Variants in PHTF1 observed in about 807,000 individuals in gnomAD.
PHTF1 encodes protein PHTF1.
In PHTF1, 88 loss-of-function variants were observed where a neutral mutation model predicts 102.4. That is an observed-to-expected ratio of 0.86 (90% CI 0.72 to 1.03). PHTF1 has a LOEUF of 1.03. Among genes scored for constraint, PHTF1 ranks in the 50% least tolerant of loss-of-function variants. PHTF1 has a pLI of 0.00. For missense variants in PHTF1, 814 were observed against 909.5 expected (o/e 0.89, Z 1.35); for synonymous variants, 289 against 305.2 (o/e 0.95, Z 0.55).
At chr1:113,745,658 G>T (rs4565712) in intron 3 of PHTF1, among the ~76,000 whole-genome samples, 113,362 of 151,920 alleles carry the variant, frequency 0.75, 42,904 homozygotes, top group African/African-American at 0.83. Context: ...CCTGTCAGAT[G>T]AGTGGCGGCA....
intron 13 of PHTF1, 51 bp downstream of exon 13, chr1:113,705,839 G>T: frequency 7.1e-7 from 1 of 1,418,076 alleles, no homozygotes; most frequent in South Asian, 1.3e-5. Flanking sequence ...CAACTCAATG[G>T]AATATCATAT....
chr1:113,759,041 C>G lies in PHTF1; in HGVS notation c.-49G>C. On this transcript the variant is annotated 5_prime_UTR_variant, in exon 1 of 19. Transcript: ENST00000369604. ...CTCTCACCTAGTGCCCGTTGCCCCG[C>G]GGGCCGGCGCCCGGGACCTCCGTCC... 1 of 1,016,210 alleles carries G rather than the reference C, an allele frequency of 9.8e-7. No individual in the cohort carries two copies. Among genetic ancestry groups the G allele is most frequent in the East Asian group, 9.4e-5 (1 of 10,652 alleles). The allele number at this position is 1,016,210 out of a possible 1,614,324, so 62.9% of individuals were successfully genotyped here.
At chr1:113,715,697 TCAAA>T (rs928085674) in intron 7 of PHTF1, among the ~76,000 whole-genome samples, 9 of 80,440 alleles carry the variant, frequency 1.1e-4, no homozygotes, top group Non-Finnish European at 2.3e-4. Flanking sequence ...TTGAGGAAAC[TCAAA>T]CAAATTCAAG....
In PHTF1 at chr1:113,700,845, C is replaced by T. The variant is rs762937194; in HGVS notation, c.1995G>A (p.Gly665=). ...TGCTGTATTTCTTATTGGTTTCAGACCCCAGTGAGGCCAGACGCAATAAAA... is the reference window on the plus strand; with the variant it reads ...TGCTGTATTTCTTATTGGTTTCAGATCCCAGTGAGGCCAGACGCAATAAAA... ...LLFLLRLASL[G]SETNKKYSNV... Residue 665 remains glycine (G), a synonymous_variant, in exon 16 of 19, where the codon GGG becomes GGA. Coordinates refer to ENST00000369604, the MANE Select transcript of PHTF1 (RefSeq NM_001323043.2). The T allele has an allele frequency of 3.1e-6, 5 of 1,613,622 alleles. No individual in the cohort carries two copies. In the Middle Eastern group the frequency reaches 5.0e-4, roughly 160 times the overall value.
intron 5 of PHTF1, among the ~76,000 whole-genome samples, chr1:113,727,356 G>GT (rs1008479902): frequency 1.3e-5 from 2 of 152,102 alleles, no homozygotes; most frequent in Admixed American, 6.6e-5. Flanking sequence ...AAGACAAGGA[G>GT]TTTTGTCTGA....
intron 5 of PHTF1, among the ~76,000 whole-genome samples, chr1:113,734,472 T>TA: frequency 6.6e-6 from 1 of 152,318 alleles, no homozygotes; most frequent in African/African-American, 2.4e-5. Context: ...TACAGAGTGG[T>TA]AAAGAACTTG....
intron 7 of PHTF1, among the ~76,000 whole-genome samples, chr1:113,722,220 G>A (rs1052520154): frequency 3.3e-5 from 5 of 151,946 alleles, no homozygotes; most frequent in African/African-American, 1.2e-4. Flanking sequence ...GGGAAACCAA[G>A]ACGGGCGGAT....
At chr1:113,747,121 T>A (rs1410439860) in intron 3 of PHTF1, among the ~76,000 whole-genome samples, 1 of 152,258 alleles carries the variant, frequency 6.6e-6, no homozygotes. Flanking sequence ...TATTAATGAT[T>A]ACAGCATCAC....
At chr1:113,704,644 T>C (rs370659549) in intron 14 of PHTF1, 22 bp downstream of exon 14, 38 of 1,548,800 alleles carry the variant, frequency 2.5e-5, no homozygotes, top group Non-Finnish European at 3.3e-5. Context: ...ACATACTCTA[T>C]TGTTAATCAA....
chr1:113,714,477 T>C (rs1378172042), intron 7 of PHTF1: 1 of 152,226 alleles, frequency 6.6e-6, no homozygotes. Flanking sequence ...TGAGTGAATA[T>C]CAGCAACAGC....
chr1:113,739,144 C>T (rs977467052), intron 3 of PHTF1, among the ~76,000 whole-genome samples: 3 of 152,180 alleles, frequency 2.0e-5, no homozygotes, highest in Non-Finnish European at 2.9e-5. Flanking sequence ...TTAGCCTCTG[C>T]GCCCAGCCAG....
intron 3 of PHTF1, among the ~76,000 whole-genome samples, chr1:113,753,777 C>T (rs1387505445): frequency 1.3e-5 from 2 of 151,032 alleles, no homozygotes; most frequent in Admixed American, 6.6e-5. Context: ...CAGGCTTAAG[C>T]AATCCTCTCA....
intron 7 of PHTF1, among the ~76,000 whole-genome samples, chr1:113,723,760 C>A (rs575154052): frequency 2.6e-5 from 4 of 152,192 alleles, no homozygotes; most frequent in Admixed American, 6.5e-5. Flanking sequence ...GCAACCAAAG[C>A]AAAATGGACA....
intron 3 of PHTF1, among the ~76,000 whole-genome samples, chr1:113,745,911 G>A (rs1179764316): frequency 6.6e-6 from 1 of 152,108 alleles, no homozygotes; most frequent in African/African-American, 2.4e-5. Flanking sequence ...TACAATAATT[G>A]TAATGTGCTT....
intron 3 of PHTF1, among the ~76,000 whole-genome samples, chr1:113,742,998 G>C (rs564897761): frequency 3.2e-4 from 48 of 152,016 alleles, no homozygotes; most frequent in African/African-American, 1.1e-3. Flanking sequence ...TGTTTTTGTA[G>C]AGAAGGGGTC....
At chr1:113,737,549 G>A (rs189372039) in intron 5 of PHTF1, among the ~76,000 whole-genome samples, 118 of 152,248 alleles carry the variant, frequency 7.8e-4, no homozygotes, top group Non-Finnish European at 1.1e-3. Flanking sequence ...CAGGCTAAAC[G>A]TGGTGGCTCA....
chr1:113,700,170 CAGA>C (rs1649285779), intron 16 of PHTF1: 1 of 963,344 alleles, frequency 1.0e-6, no homozygotes, highest in African/African-American at 1.8e-5. Context: ...ATTTATGGAA[CAGA>C]AGAAGATAGC....
chr1:113,703,530 T>C lies in PHTF1; in HGVS notation c.1890+551A>G, dbSNP rs566434319. ...TAACAGGTTTTTTTTGTTGTTTTTT[T>C]CTTTTTTTTTCATGGAGATGGGTCC... On this transcript the variant is annotated intron_variant, in intron 15 of 18. Transcript: ENST00000369604. Among the ~76,000 whole-genome samples the C allele has an allele frequency of 2.0e-5, 3 of 151,754 alleles. No individual in the cohort carries two copies. The East Asian group carries it at 5.8e-4, about 29-fold the overall frequency.
intron 3 of PHTF1, among the ~76,000 whole-genome samples, chr1:113,755,273 G>T (rs1053099299): frequency 4.0e-5 from 6 of 151,264 alleles, no homozygotes; most frequent in Non-Finnish European, 8.8e-5. Flanking sequence ...GCTATACTTT[G>T]GTCATTTTTT....
Sources: allele counts gnomAD v4.1 joint callset (sites outside exome capture counted in the v4.1 genomes callset), GRCh38; gene constraint gnomAD v4.1.1; transcripts MANE v1.5; gene names NCBI Gene and HGNC (gene_info 2026-07-23, HGNC 2026-07-21).